ROBO2: variants seen among roughly 807,000 people sequenced by gnomAD.
ROBO2 encodes roundabout guidance receptor 2, also known as roundabout homolog 2.
In ROBO2, 53 loss-of-function variants were observed where a neutral mutation model predicts 160.8. The observed-to-expected ratio is 0.33, with a 90% CI of 0.26 to 0.41. The LOEUF (loss-of-function observed/expected upper bound fraction) is 0.41, where lower values mean the gene tolerates loss of function less well. ROBO2 is among the 10% of genes least tolerant of loss of function. The pLI, the probability that ROBO2 is intolerant of heterozygous loss-of-function variation, is 1.00. For missense variants in ROBO2, 1,577 were observed against 1,722.4 expected, an observed-to-expected ratio of 0.92 and a Z score of 1.49; for synonymous variants, 664 against 611.7, an observed-to-expected ratio of 1.09 and a Z score of -1.26.
chr3:76,088,000 C>G (rs1001560197), intron 2 of ROBO2, among the ~76,000 whole-genome samples: 10 of 151,888 alleles, frequency 6.6e-5, no homozygotes, highest in African/African-American at 2.4e-4. Context: ...TCTAAAGACT[C>G]ATAGATTAAA....
chr3:77,197,245 AG>A (rs1250837008), intron 2 of ROBO2, among the ~76,000 whole-genome samples: 2 of 152,214 alleles, frequency 1.3e-5, no homozygotes, highest in Admixed American at 6.5e-5. Flanking sequence ...AGTTTTAATG[AG>A]AATTATATGT....
chr3:76,196,482 C>G (rs1702266785), intron 2 of ROBO2, among the ~76,000 whole-genome samples: 1 of 151,914 alleles, frequency 6.6e-6, no homozygotes, highest in Admixed American at 6.6e-5. Flanking sequence ...ATTATTGATC[C>G]TAAGTGACTG....
At chr3:76,477,244 A>T (rs1577473227) in intron 2 of ROBO2, among the ~76,000 whole-genome samples, 1 of 152,294 alleles carries the variant, frequency 6.6e-6, no homozygotes, top group East Asian at 1.9e-4. Context: ...GATGGGTAGG[A>T]TTCTTTCATA....
intron 2 of ROBO2, among the ~76,000 whole-genome samples, chr3:76,072,892 C>A (rs1396581266): frequency 6.6e-6 from 1 of 152,172 alleles, no homozygotes; most frequent in Non-Finnish European, 1.5e-5. Context: ...CCTATTCAGA[C>A]CTCTGTTTCC....
intron 1 of ROBO2, among the ~76,000 whole-genome samples, chr3:77,083,582 A>G (rs2068920324): frequency 6.6e-6 from 1 of 152,136 alleles, no homozygotes; most frequent in Non-Finnish European, 1.5e-5. Flanking sequence ...TAGGATAATG[A>G]TAGTGTGAAA....
At chr3:76,169,765 A>G (rs901626052) in intron 2 of ROBO2, among the ~76,000 whole-genome samples, 1 of 151,970 alleles carries the variant, frequency 6.6e-6, no homozygotes, top group African/African-American at 2.4e-5. Context: ...ACCAGATTAG[A>G]TAGTTTCGTT....
chr3:77,272,078 T>A (rs2059526789), intron 2 of ROBO2, among the ~76,000 whole-genome samples: 1 of 152,206 alleles, frequency 6.6e-6, no homozygotes, highest in Non-Finnish European at 1.5e-5. Flanking sequence ...GTAAAAATAC[T>A]ATTTTTCTTT....
chr3:77,153,034 G>A (rs970979399), intron 2 of ROBO2, among the ~76,000 whole-genome samples: 3 of 152,152 alleles, frequency 2.0e-5, no homozygotes, highest in African/African-American at 7.2e-5. Context: ...TGGTCTTTCA[G>A]TCTGTCTCGT....
intron 2 of ROBO2, among the ~76,000 whole-genome samples, chr3:76,842,534 T>G (rs1194644040): frequency 1.3e-5 from 2 of 152,092 alleles, no homozygotes; most frequent in African/African-American, 4.8e-5. Context: ...ACAACATACA[T>G]TTGCTGGATT....
rs575627516 is a variant in ROBO2, at chr3:76,986,271, A to G, written c.110-111743A>G. On this transcript the variant is annotated intron_variant, in intron 2 of 26. Transcript: ENST00000487694. ...CTAAGTTACATAATGTAGAATATTTATCTTTAGGGCTGTTTACTATTGATC... is the reference window on the plus strand; with the variant it reads ...CTAAGTTACATAATGTAGAATATTTGTCTTTAGGGCTGTTTACTATTGATC... Among the ~76,000 whole-genome samples, 3 of 152,266 alleles carry G rather than the reference A, an allele frequency of 2.0e-5. No individual in the cohort carries two copies. In the South Asian group the frequency reaches 6.2e-4, roughly 32 times the overall value.
At chr3:76,359,545 C>T (rs1458197385) in intron 2 of ROBO2, among the ~76,000 whole-genome samples, 1 of 152,012 alleles carries the variant, frequency 6.6e-6, no homozygotes, top group Non-Finnish European at 1.5e-5. Context: ...TGATCCTTTA[C>T]CTCCTGTTAC....
intron 2 of ROBO2, among the ~76,000 whole-genome samples, chr3:76,209,223 C>T (rs1702992058): frequency 6.6e-6 from 1 of 152,164 alleles, no homozygotes; most frequent in African/African-American, 2.4e-5. Flanking sequence ...AGTTTTGTAA[C>T]TATTTGTAAA....
chr3:77,622,514 A>AGATTTATTCC (rs1248014148), intron 23 of ROBO2, 82 bp downstream of exon 24: 1 of 1,112,968 alleles, frequency 9.0e-7, no homozygotes, highest in East Asian at 2.5e-5. Context: ...CCTTATTGTA[A>AGATTTATTCC]GATTTATTCC....
intron 2 of ROBO2, among the ~76,000 whole-genome samples, chr3:76,078,877 C>G (rs1210868980): frequency 6.6e-6 from 1 of 152,162 alleles, no homozygotes; most frequent in African/African-American, 2.4e-5. Context: ...CCCCCTTTCT[C>G]CACATTCTCA....
intron 2 of ROBO2, among the ~76,000 whole-genome samples, chr3:77,005,110 T>G (rs933749611): frequency 6.6e-6 from 1 of 152,152 alleles, no homozygotes; most frequent in African/African-American, 2.4e-5. Flanking sequence ...GGCTTTTCCC[T>G]TTACCTACGC....
At chr3:76,848,080 C>T (rs1296115773) in intron 2 of ROBO2, among the ~76,000 whole-genome samples, 2 of 152,102 alleles carry the variant, frequency 1.3e-5, no homozygotes, top group Non-Finnish European at 2.9e-5. Flanking sequence ...AACCAGTCAT[C>T]GTGTAGAAAA....
At chr3:76,868,082 A>G (rs2071571895) in intron 2 of ROBO2, among the ~76,000 whole-genome samples, 1 of 152,214 alleles carries the variant, frequency 6.6e-6, no homozygotes, top group African/African-American at 2.4e-5. Context: ...TATGCATATG[A>G]TAGTACACAT....
chr3:77,087,597 T>A (rs1020963272), intron 1 of ROBO2, among the ~76,000 whole-genome samples: 1 of 152,104 alleles, frequency 6.6e-6, no homozygotes, highest in Non-Finnish European at 1.5e-5. Flanking sequence ...GAGTAATTTG[T>A]TATTAAGAGG....
exon 1 of ROBO2, chr3:77,040,019 G>C (rs753274213): frequency 1.0e-4 from 84 of 806,814 alleles, no homozygotes; most frequent in East Asian, 1.3e-4. Context: ...CGGCACCGCG[G>C]GGGTGTCTGC....
Sources: gnomAD v4.1 joint callset for allele counts (sites outside exome capture counted in the v4.1 genomes callset) on GRCh38, gnomAD v4.1.1 for gene constraint, MANE v1.5 for transcripts, NCBI Gene and HGNC (gene_info 2026-07-23, HGNC 2026-07-21) for gene names.